The following ITPR2 variants were observed in gnomAD, a reference collection of about 807,000 sequenced individuals.
ITPR2 encodes inositol 1,4,5-trisphosphate-gated calcium channel ITPR2.
Under a neutral mutation model 317.1 loss-of-function variants are expected in ITPR2, and 207 were observed. The ratio of observed to expected loss-of-function variants is 0.65; its 90% CI spans 0.58 to 0.73. The LOEUF is 0.73. Among genes scored for constraint, ITPR2 ranks in the 30% least tolerant of loss-of-function variants. The pLI is 0.00. For synonymous variants in ITPR2, 1,156 were observed against 1,149.1 expected (o/e 1.01, Z -0.12); for missense variants, 2,613 against 3,284.0 (o/e 0.80, Z 4.99).
At chr12:26,349,608 A>G (rs532354359) in intron 55 of ITPR2, among the ~76,000 whole-genome samples, 1 of 152,396 alleles carries the variant, frequency 6.6e-6, no homozygotes, top group South Asian at 2.1e-4. Context: ...ACAAAATTAT[A>G]AAGCAATATG....
chr12:26,359,754 A>G (rs1938762361), intron 55 of ITPR2, among the ~76,000 whole-genome samples: 1 of 152,044 alleles, frequency 6.6e-6, no homozygotes. Context: ...GCCTCATGGG[A>G]TGATGACATC....
intron 34 of ITPR2, among the ~76,000 whole-genome samples, chr12:26,569,649 A>T (rs1945105044): frequency 6.6e-6 from 1 of 152,150 alleles, no homozygotes; most frequent in Admixed American, 6.5e-5. Context: ...CAAATTATTA[A>T]GAAAAAAACC....
chr12:26,618,666 C>A (rs551307492), intron 26 of ITPR2, among the ~76,000 whole-genome samples: 1 of 152,162 alleles, frequency 6.6e-6, no homozygotes, highest in African/African-American at 2.4e-5. Context: ...AAAAATCTCC[C>A]AAACATGTGC....
intron 2 of ITPR2, among the ~76,000 whole-genome samples, chr12:26,735,238 G>A (rs753598507): frequency 2.0e-5 from 3 of 152,180 alleles, no homozygotes; most frequent in Non-Finnish European, 2.9e-5. Flanking sequence ...CTGACCTCAG[G>A]TTATCTGCCT....
chr12:26,399,969 C>A (rs1591990686), intron 53 of ITPR2, among the ~76,000 whole-genome samples, 159 bp downstream of exon 53: 1 of 152,146 alleles, frequency 6.6e-6, no homozygotes, highest in African/African-American at 2.4e-5. Flanking sequence ...GCTATGTAAT[C>A]CTAGCAAACA....
intron 1 of ITPR2, among the ~76,000 whole-genome samples, chr12:26,804,809 C>A (rs1422920257): frequency 6.6e-6 from 1 of 152,086 alleles, no homozygotes; most frequent in African/African-American, 2.4e-5. Context: ...AATCCTGGCT[C>A]ACTACAACCT....
chr12:26,611,097 T>C (rs896913195), intron 26 of ITPR2, among the ~76,000 whole-genome samples: 1 of 152,210 alleles, frequency 6.6e-6, no homozygotes, highest in Non-Finnish European at 1.5e-5. Flanking sequence ...CACCAGGCAG[T>C]GCCTGTTGTT....
intron 23 of ITPR2, chr12:26,627,389 C>G (rs1946644747): frequency 6.6e-6 from 1 of 152,184 alleles, no homozygotes; most frequent in African/African-American, 2.4e-5. Context: ...AATCCTTGTG[C>G]CACTACTTTC....
intron 34 of ITPR2, among the ~76,000 whole-genome samples, chr12:26,574,495 T>C (rs889635150): frequency 6.6e-6 from 1 of 152,198 alleles, no homozygotes. Flanking sequence ...AACAACTTTC[T>C]ATTAATTTCT....
chr12:26,588,949 G>A (rs560200124), intron 32 of ITPR2, among the ~76,000 whole-genome samples: 101 of 152,266 alleles, frequency 6.6e-4, no homozygotes, highest in African/African-American at 2.4e-3. Context: ...ATAGTCTGAG[G>A]CTAACATTGA....
At chr12:26,753,925 C>G (rs1455573659) in intron 2 of ITPR2, among the ~76,000 whole-genome samples, 1 of 152,162 alleles carries the variant, frequency 6.6e-6, no homozygotes, top group African/African-American at 2.4e-5. Flanking sequence ...CATGCTTTCT[C>G]TTGTCACAAT....
chr12:26,725,236 G>C (rs978894008), intron 3 of ITPR2, among the ~76,000 whole-genome samples: 2 of 152,144 alleles, frequency 1.3e-5, no homozygotes, highest in African/African-American at 4.8e-5. Context: ...GAATTTTAAT[G>C]AGGCAAAATT....
intron 2 of ITPR2, among the ~76,000 whole-genome samples, chr12:26,754,540 T>A (rs1949486914): frequency 6.6e-6 from 1 of 152,224 alleles, no homozygotes. Flanking sequence ...ATGCGAGGTG[T>A]ATAAAGAAAG....
At chr12:26,767,091 T>G (rs1949734131) in intron 2 of ITPR2, among the ~76,000 whole-genome samples, 1 of 152,172 alleles carries the variant, frequency 6.6e-6, no homozygotes, top group African/African-American at 2.4e-5. Flanking sequence ...CTTCTTTCCT[T>G]TGTTGTTCTT....
chr12:26,819,705 A>G (rs1044509668), intron 1 of ITPR2, among the ~76,000 whole-genome samples: 2 of 152,132 alleles, frequency 1.3e-5, no homozygotes, highest in Non-Finnish European at 2.9e-5. Context: ...ACACGTAAAA[A>G]CAAACTGAAT....
At chr12:26,634,336 A>C (rs1488332119) in intron 21 of ITPR2, among the ~76,000 whole-genome samples, 1 of 152,224 alleles carries the variant, frequency 6.6e-6, no homozygotes, top group Admixed American at 6.5e-5. Flanking sequence ...TGTTGAGATA[A>C]ATCAGAGGTG....
intron 46 of ITPR2, among the ~76,000 whole-genome samples, chr12:26,442,162 CA>C (rs991802605): frequency 2.8e-4 from 43 of 152,190 alleles, no homozygotes; most frequent in African/African-American, 1.0e-3. Flanking sequence ...ACCTTCCCTT[CA>C]CTTACTTTCT....
intron 13 of ITPR2, among the ~76,000 whole-genome samples, chr12:26,670,043 T>G (rs902131284): frequency 4.6e-5 from 7 of 152,184 alleles, no homozygotes; most frequent in Non-Finnish European, 4.4e-5. Context: ...CAAAGCAGCC[T>G]GAAGCTCGAA....
chr12:26,378,608 A>G (rs1939414283), intron 55 of ITPR2, among the ~76,000 whole-genome samples: 1 of 152,172 alleles, frequency 6.6e-6, no homozygotes, highest in African/African-American at 2.4e-5. Context: ...TCTGATTTGC[A>G]CAGTCATTTC....
Sources: gnomAD v4.1 joint callset for allele counts (sites outside exome capture counted in the v4.1 genomes callset) on GRCh38, gnomAD v4.1.1 for gene constraint, MANE v1.5 for transcripts, NCBI Gene and HGNC (gene_info 2026-07-23, HGNC 2026-07-21) for gene names.